Variants in UNC79 observed in about 807,000 individuals in gnomAD.
The protein encoded by UNC79 is unc-79 subunit of NALCN channel complex.
Under a neutral mutation model 283.1 loss-of-function variants are expected in UNC79, and 37 were observed. The observed-to-expected ratio is 0.13, with a 90% CI of 0.10 to 0.17. The LOEUF is 0.17. Ranked by LOEUF, UNC79 falls within the 10% of genes least tolerant of loss-of-function variation. The pLI is 1.00. For synonymous variants in UNC79, 1,107 were observed against 1,200.2 expected, an observed-to-expected ratio of 0.92 and a Z score of 1.61; for missense variants, 2,272 against 3,211.1, an observed-to-expected ratio of 0.71 and a Z score of 7.07.
rs541520619 is a variant in UNC79, at chr14:93,524,581, C to T, written c.963+539C>T. On this transcript the variant is annotated intron_variant, in intron 8 of 48. Coordinates refer to ENST00000555664, the Ensembl canonical transcript of UNC79. ...GAGTCAAGTCATTTTCCTAAGGTTG[C>T]CAGTTAGCAACAAAACTGGAGACAG... 2.6e-5 allele frequency among the ~76,000 whole-genome samples: 4 copies of T among 152,256 alleles called. No individual in the cohort carries two copies. In the East Asian group the frequency reaches 7.7e-4, roughly 29 times the overall value.
chr14:93,449,605 A>G (rs1022585392), intron 1 of UNC79, among the ~76,000 whole-genome samples: 14 of 151,984 alleles, frequency 9.2e-5, no homozygotes, highest in African/African-American at 3.4e-4. Flanking sequence ...GCAACAGAGC[A>G]AGACCTTGTC....
intron 1 of UNC79, among the ~76,000 whole-genome samples, chr14:93,353,795 T>G (rs897195997): frequency 6.6e-6 from 1 of 152,208 alleles, no homozygotes; most frequent in Non-Finnish European, 1.5e-5. Context: ...TGCTAGGAAC[T>G]GGATATTTAC....
intron 1 of UNC79, among the ~76,000 whole-genome samples, chr14:93,417,243 C>T (rs948735076): frequency 2.0e-5 from 3 of 151,582 alleles, no homozygotes; most frequent in African/African-American, 7.3e-5. Context: ...TCAGCATTTG[C>T]TTGTCTGTAA....
chr14:93,688,962 T>G lies in UNC79; in HGVS notation c.7085+122T>G, dbSNP rs2074467189. 1 of 1,109,502 alleles carries G rather than the reference T, an allele frequency of 9.0e-7. No individual in the cohort carries two copies. Among genetic ancestry groups the G allele is most frequent in the Non-Finnish European group, 1.2e-6 (1 of 816,904 alleles). 68.7% of individuals were successfully genotyped at this position (1,109,502 alleles called of 1,614,324 possible). On this transcript the variant is annotated intron_variant, in intron 44 of 48. Transcript: ENST00000555664. This position sits in a 1 kb window ranked among gnomAD's most constrained non-coding sequence, Gnocchi z 4.0. Reference sequence around the variant, plus strand: ...TTTATGACAGTGGAATATACTTGGTTAGGAAGATGGAAATCAGATCCCATC... The same window carrying G: ...TTTATGACAGTGGAATATACTTGGTGAGGAAGATGGAAATCAGATCCCATC...
chr14:93,388,040 G>A (rs560394717), intron 1 of UNC79, among the ~76,000 whole-genome samples: 93 of 152,034 alleles, frequency 6.1e-4, no homozygotes, highest in Middle Eastern at 3.4e-3. Flanking sequence ...TTTAAGTATA[G>A]CTACCTCGGT....
At chr14:93,374,674 G>A (rs369764976) in intron 1 of UNC79, among the ~76,000 whole-genome samples, 1 of 152,108 alleles carries the variant, frequency 6.6e-6, no homozygotes, top group African/African-American at 2.4e-5. Flanking sequence ...GAGTAGCTGG[G>A]ATTACAGTTG....
intron 23 of UNC79, among the ~76,000 whole-genome samples, chr14:93,597,091 T>TG (rs2065131697): frequency 6.6e-6 from 1 of 152,142 alleles, no homozygotes; most frequent in African/African-American, 2.4e-5. Context: ...GAAAAAATTG[T>TG]AAAAGACAAC....
chr14:93,568,306 T>A (rs2063015911), intron 14 of UNC79, among the ~76,000 whole-genome samples: 1 of 152,184 alleles, frequency 6.6e-6, no homozygotes, highest in Non-Finnish European at 1.5e-5. Flanking sequence ...CCATCCTTAC[T>A]CTGTCTCACA....
At chr14:93,390,861 C>A (rs980159731) in intron 1 of UNC79, among the ~76,000 whole-genome samples, 3 of 152,124 alleles carry the variant, frequency 2.0e-5, no homozygotes, top group Non-Finnish European at 4.4e-5. Context: ...GTAAAGATAT[C>A]ATTCTTTTCA....
intron 7 of UNC79, among the ~76,000 whole-genome samples, chr14:93,501,108 T>A (rs998283580): frequency 6.6e-6 from 1 of 151,886 alleles, no homozygotes; most frequent in East Asian, 1.9e-4. Context: ...GTGGATCACC[T>A]GAGGTCAGGA....
At chr14:93,634,415 A>G in intron 31 of UNC79, 106 bp from the exon 34 acceptor site, 2 of 836,632 alleles carry the variant, frequency 2.4e-6, no homozygotes, top group Non-Finnish European at 3.9e-6. Flanking sequence ...ACCAAAAATT[A>G]TGAATAGCAA....
chr14:93,552,764 A>G (rs1378687191), intron 14 of UNC79, among the ~76,000 whole-genome samples: 1 of 152,140 alleles, frequency 6.6e-6, no homozygotes, highest in African/African-American at 2.4e-5. Flanking sequence ...AGACTTTTTA[A>G]AGCTGTGAGC....
intron 5 of UNC79, among the ~76,000 whole-genome samples, chr14:93,495,566 T>C (rs917220933): frequency 6.6e-5 from 10 of 152,170 alleles, no homozygotes; most frequent in African/African-American, 1.9e-4. Context: ...AGCAATAGTG[T>C]TGTCCACCAC....
At chr14:93,448,286 C>T (rs1311950749) in intron 1 of UNC79, among the ~76,000 whole-genome samples, 2 of 151,648 alleles carry the variant, frequency 1.3e-5, no homozygotes, top group African/African-American at 4.9e-5. Context: ...TTTCTAACGG[C>T]TGTAAGTTCA....
In UNC79 at chr14:93,688,024, T is replaced by C. The variant is rs2074384515; in HGVS notation, c.6910-641T>C. Among the ~76,000 whole-genome samples the C allele has an allele frequency of 6.6e-6, 1 of 152,140 alleles. No individual in the cohort carries two copies. Among genetic ancestry groups the C allele is most frequent in the East Asian group, 1.9e-4 (1 of 5,164 alleles). ...TAGAACCTAGGTCTCAATGCCTAGT[T>C]CAGTGCCCTTCCCACTGAGCTCACA... On this transcript the variant is annotated intron_variant, in intron 43 of 48. Transcript: ENST00000555664. This position sits in a 1 kb window ranked among gnomAD's most constrained non-coding sequence, Gnocchi z 4.0.
At position 93,415,005 on chromosome 14, in the gene UNC79, C is replaced by T. The variant is rs139801452; in HGVS notation, c.-350-52666C>T. Among the ~76,000 whole-genome samples the T allele has an allele frequency of 1.9e-3, 287 of 152,228 alleles. 1 individual carries two copies. Among genetic ancestry groups the T allele is most frequent in the African/African-American group, 6.5e-3 (268 of 41,538 alleles). ...ACTTCCTCTTTTCCTAACTGAATAC[C>T]CTCTATTTCCTTCTCCTGCCTGATT... is the stretch of plus-strand genomic sequence containing the variant. On this transcript the variant is annotated intron_variant, in intron 1 of 49. Transcript: ENST00000256339.
At position 93,468,209 on chromosome 14, in the gene UNC79, T is replaced by C. The variant is rs565949518; in HGVS notation, c.143+418T>C. On this transcript the variant is annotated intron_variant, in intron 2 of 48. Coordinates refer to ENST00000555664, the Ensembl canonical transcript of UNC79. ...CTATTTCCCTAAGTGTAATATACAG[T>C]GATAATAGTTATTTTTAATCTGGGT... Among the ~76,000 whole-genome samples the C allele has an allele frequency of 2.3e-3, 350 of 152,300 alleles. 3 individuals are homozygous for C. In the South Asian group the frequency reaches 0.033, roughly 14 times the overall value.
intron 31 of UNC79, chr14:93,634,623 G>A (rs773987543): frequency 1.2e-5 from 20 of 1,613,912 alleles, no homozygotes; most frequent in Non-Finnish European, 1.7e-5. Flanking sequence ...CATAACATCA[G>A]CAACTGGGAC....
At chr14:93,426,724 A>G (rs147931406), upstream of UNC79, among the ~76,000 whole-genome samples, 281 of 150,670 alleles carry the variant, frequency 1.9e-3, 2 homozygotes, top group African/African-American at 6.5e-3. Context: ...TTTTAAAAAT[A>G]TAGTCTCAAT....
Sources: allele counts gnomAD v4.1 joint callset (sites outside exome capture counted in the v4.1 genomes callset), GRCh38; gene constraint gnomAD v4.1.1; non-coding constraint Gnocchi (gnomAD v3.1); transcripts MANE v1.5; gene names NCBI Gene and HGNC (gene_info 2026-07-23, HGNC 2026-07-21).